ING5: variants seen among roughly 807,000 people sequenced by gnomAD.
ING5 encodes inhibitor of growth family member 5.
Under a neutral mutation model 37.4 loss-of-function variants are expected in ING5, and 17 were observed. The ratio of observed to expected loss-of-function variants is 0.45; its 90% CI spans 0.31 to 0.68. ING5 has a LOEUF of 0.68. Ranked by LOEUF, ING5 falls within the 30% of genes least tolerant of loss-of-function variation. The probability of loss-of-function intolerance (pLI) is 0.05; values close to 1 mark genes in which losing one functional copy is unlikely to be tolerated. For synonymous variants in ING5, 123 were observed against 116.6 expected (o/e 1.06, Z -0.36); for missense variants, 233 against 311.9 (o/e 0.75, Z 1.91).
intron 2 of ING5, among the ~76,000 whole-genome samples, chr2:241,707,664 A>G (rs1269594211): frequency 4.6e-5 from 7 of 152,246 alleles, no homozygotes; most frequent in Non-Finnish European, 8.8e-5. Context: ...TAGGGAATAC[A>G]GAGAGTTATT....
chr2:241,724,357 AGG>A (rs2124955932), intron 7 of ING5, among the ~76,000 whole-genome samples: 1 of 152,112 alleles, frequency 6.6e-6, no homozygotes, highest in Admixed American at 6.5e-5. Flanking sequence ...GGTTTTGAGA[AGG>A]GGTACGGAGG....
chr2:241,728,488 C>T lies in ING5; in HGVS notation c.*3457C>T, dbSNP rs1481213199. The T allele has an allele frequency of 6.5e-6, 1 of 152,696 alleles. No individual in the cohort carries two copies. Among genetic ancestry groups the T allele is most frequent in the Admixed American group, 6.5e-5 (1 of 15,276 alleles). 9.5% of individuals were successfully genotyped at this position (152,696 alleles called of 1,614,324 possible). A position where few individuals can be genotyped will look rare whatever the true frequency, so the allele number is the denominator to read the frequency against. On this transcript the variant is annotated 3_prime_UTR_variant, in exon 8 of 8. Transcript: ENST00000313552. Reference sequence around the variant, plus strand: ...TGGGAAGGAGCGTTCTACCCATTTTCCTTGTTTTCAGTGCTGCGGTATCAG... The same window carrying T: ...TGGGAAGGAGCGTTCTACCCATTTTTCTTGTTTTCAGTGCTGCGGTATCAG...
intron 2 of ING5, among the ~76,000 whole-genome samples, chr2:241,707,209 T>C (rs1192845492): frequency 2.0e-5 from 3 of 152,286 alleles, no homozygotes; most frequent in Non-Finnish European, 4.4e-5. Flanking sequence ...TCTGCCCGCC[T>C]TGGCCTCCCA....
intron 7 of ING5, chr2:241,724,565 G>C (rs1471251168): frequency 2.0e-5 from 4 of 198,880 alleles, no homozygotes; most frequent in Admixed American, 1.6e-4. Context: ...GCACTTGTGA[G>C]ACGGCAGCTT....
chr2:241,713,047 G>A (rs954141486), intron 5 of ING5, among the ~76,000 whole-genome samples: 2 of 150,332 alleles, frequency 1.3e-5, no homozygotes, highest in African/African-American at 4.9e-5. Flanking sequence ...TGACAAAAAA[G>A]GGACAATTTT....
intron 1 of ING5, among the ~76,000 whole-genome samples, chr2:241,702,902 G>A (rs1266606869): frequency 1.3e-5 from 2 of 152,248 alleles, no homozygotes; most frequent in African/African-American, 4.8e-5. Flanking sequence ...GGGTTGTGCC[G>A]GGTGGCTCTG....
At chr2:241,706,934 G>A (rs1346824829) in intron 2 of ING5, among the ~76,000 whole-genome samples, 1 of 149,902 alleles carries the variant, frequency 6.7e-6, no homozygotes, top group African/African-American at 2.4e-5. Context: ...TAAATTTCAT[G>A]ATAATGTGTT....
chr2:241,712,581 G>A (rs113772235), intron 5 of ING5, among the ~76,000 whole-genome samples: 5,815 of 152,150 alleles, frequency 0.038, 444 homozygotes, highest in East Asian at 0.29. Context: ...TTTATTTAAA[G>A]CATTCTCCCA....
chr2:241,721,554 C>G (rs2070436651), intron 5 of ING5: 2 of 985,286 alleles, frequency 2.0e-6, no homozygotes, highest in African/African-American at 1.7e-5. Flanking sequence ...CAAGGAAAAG[C>G]TGAGTGTTGA....
upstream of ING5, among the ~76,000 whole-genome samples, chr2:241,698,364 G>C (rs1024217324): frequency 7.2e-5 from 11 of 151,980 alleles, no homozygotes; most frequent in Admixed American, 1.3e-4. Context: ...AGAATGGCGT[G>C]GATCCGGGAG....
In ING5 at chr2:241,711,451, C is replaced by T; in HGVS notation, c.351C>T (p.Gly117=). The change falls in exon 4 of 8, where the codon GGC becomes GGT. Residue 117 remains glycine, a synonymous_variant. Transcript: ENST00000313552. The part of the protein sequence containing the change: ...FEADLKDKME[G]SDFESSGGRG... ...CAGATCTGAAGGACAAGATGGAGGG[C>T]AGTGATTTTGAAAGCTCCGGAGGGC... is the stretch of plus-strand genomic sequence containing the variant. 1.2e-6 allele frequency: 2 copies of T among 1,606,032 alleles called. No individual in the cohort carries two copies. The highest frequency in any genetic ancestry group is 1.7e-6 in the Non-Finnish European group (2 of 1,177,060).
intron 5 of ING5, chr2:241,721,231 C>G: frequency 5.1e-6 from 5 of 985,646 alleles, no homozygotes; most frequent in Non-Finnish European, 6.0e-6. Flanking sequence ...CGGCAGGAGG[C>G]TGAGACGTAG....
intron 7 of ING5, chr2:241,724,671 GCAGA>G (rs1345577913): frequency 2.6e-5 from 11 of 423,618 alleles, no homozygotes; most frequent in Non-Finnish European, 4.8e-5. Flanking sequence ...CCCACAGACT[GCAGA>G]CAGAGGGCAC....
intron 1 of ING5, among the ~76,000 whole-genome samples, chr2:241,689,324 G>A (rs1372080774): frequency 6.6e-6 from 1 of 151,808 alleles, no homozygotes. Flanking sequence ...TTGCCAGGCC[G>A]GTCTCAAATT....
chr2:241,720,118 C>T, intron 5 of ING5: 1 of 1,238,174 alleles, frequency 8.1e-7, no homozygotes, highest in Non-Finnish European at 1.0e-6. Context: ...GACGGGTCAT[C>T]CTGAGGACCA....
exon 2 of ING5, chr2:241,689,867 C>T (rs1468858903): frequency 7.8e-6 from 1 of 128,688 alleles, no homozygotes; most frequent in Non-Finnish European, 1.7e-5. Flanking sequence ...TAAGGAAGAC[C>T]ACCTTCCAGA....
chr2:241,725,271 T>C lies in ING5; in HGVS notation c.*240T>C. 3 of 542,184 alleles carry C rather than the reference T, an allele frequency of 5.5e-6. No individual in the cohort carries two copies. Among genetic ancestry groups the C allele is most frequent in the Non-Finnish European group, 3.3e-6 (1 of 300,776 alleles). The allele number at this position is 542,184 out of a possible 1,614,324, so 33.6% of individuals were successfully genotyped here. A position where few individuals can be genotyped will look rare whatever the true frequency, so the allele number is the denominator to read the frequency against. On this transcript the variant is annotated 3_prime_UTR_variant, in exon 8 of 8. Transcript: ENST00000313552. ...GCTTTTACAGGACTCCCCCCGAGCA[T>C]CAGCAGGGACCCCGGCGGACGTGGG... is the stretch of plus-strand genomic sequence containing the variant.
At chr2:241,707,986 C>T (rs1354704123) in intron 2 of ING5, among the ~76,000 whole-genome samples, 1 of 152,202 alleles carries the variant, frequency 6.6e-6, no homozygotes, top group African/African-American at 2.4e-5. Context: ...CAACCTCTGC[C>T]TCCTGGGTGC....
upstream of ING5, among the ~76,000 whole-genome samples, chr2:241,697,493 T>C (rs895140266): frequency 2.3e-4 from 35 of 151,378 alleles, no homozygotes; most frequent in African/African-American, 8.3e-4. Context: ...CGTTGGAATA[T>C]TTTTCAAATT....
Sources: allele counts gnomAD v4.1 joint callset (sites outside exome capture counted in the v4.1 genomes callset), GRCh38; gene constraint gnomAD v4.1.1; transcripts MANE v1.5; gene names NCBI Gene and HGNC (gene_info 2026-07-23, HGNC 2026-07-21).